DCDC2: variants seen among roughly 807,000 people sequenced by gnomAD.
DCDC2 encodes the protein doublecortin domain-containing protein 2.
A neutral mutation model predicts 50.2 loss-of-function variants in DCDC2; 40 were observed. The ratio of observed to expected loss-of-function variants is 0.80; its 90% CI spans 0.62 to 1.04. DCDC2 has a LOEUF of 1.04. Among genes scored for constraint, DCDC2 ranks in the 50% least tolerant of loss-of-function variants. The probability of loss-of-function intolerance (pLI) is 0.00; values close to 1 mark genes in which losing one functional copy is unlikely to be tolerated. For synonymous variants in DCDC2, 234 were observed against 210.6 expected (o/e 1.11, Z -0.96); for missense variants, 570 against 581.9 (o/e 0.98, Z 0.21).
chr6:24,231,166 C>T (rs1484764398), intron 7 of DCDC2, among the ~76,000 whole-genome samples: 3 of 152,196 alleles, frequency 2.0e-5, no homozygotes, highest in Non-Finnish European at 4.4e-5. Context: ...CCCACATTCC[C>T]TTCTCAGCAT....
intron 1 of DCDC2, 183 bp downstream of exon 1, chr6:24,357,275 T>C (rs1366025295): frequency 3.4e-6 from 2 of 590,120 alleles, no homozygotes; most frequent in Non-Finnish European, 5.6e-6. Context: ...AAATTCCTTC[T>C]CCAGTCACAG....
intron 2 of DCDC2, among the ~76,000 whole-genome samples, chr6:24,334,328 G>A (rs1419648053): frequency 2.0e-5 from 3 of 152,174 alleles, no homozygotes; most frequent in Non-Finnish European, 2.9e-5. Context: ...GCTAGTTGAC[G>A]AAAACCAGGA....
chr6:24,293,488 T>A (rs761275329), intron 4 of DCDC2, among the ~76,000 whole-genome samples: 2 of 152,174 alleles, frequency 1.3e-5, no homozygotes, highest in African/African-American at 2.4e-5. Context: ...GAATTTCACC[T>A]ATCCTAAATA....
chr6:24,316,434 A>G (rs1355228950), intron 2 of DCDC2, among the ~76,000 whole-genome samples: 3 of 152,138 alleles, frequency 2.0e-5, no homozygotes, highest in African/African-American at 7.2e-5. Flanking sequence ...AGAAGCTAAG[A>G]GAGAAGGATC....
Position 24,249,073 on chromosome 6 carries a change from T to C in DCDC2, c.922+28976A>G, listed in dbSNP as rs556272620. ...CCAAGGTTCCTTCTACTTTGATTTCTGTTATTCTTATTTAATATATTAAAA... is the reference window on the plus strand; with the variant it reads ...CCAAGGTTCCTTCTACTTTGATTTCCGTTATTCTTATTTAATATATTAAAA... On this transcript the variant is annotated intron_variant, in intron 7 of 9. Transcript: ENST00000378454. Among the ~76,000 whole-genome samples, 105 of 152,328 alleles carry C rather than the reference T, an allele frequency of 6.9e-4. 1 individual carries two copies. The highest frequency in any genetic ancestry group is 2.5e-3 in the African/African-American group (102 of 41,582).
In DCDC2 at chr6:24,171,829, T is replaced by C. The variant is rs1760785905; in HGVS notation, c.*2901A>G. On this transcript the variant is annotated 3_prime_UTR_variant, in exon 10 of 10. Transcript: ENST00000378454. ...CCAATTTTACTAACAAACCATTTGT[T>C]TACAAGTGTCTTAAAATCCAGATAA... The C allele has an allele frequency of 6.6e-6, 1 of 152,222 alleles. No individual in the cohort carries two copies. Among genetic ancestry groups the C allele is most frequent in the Non-Finnish European group, 1.5e-5 (1 of 68,036 alleles). 9.4% of individuals were successfully genotyped at this position (152,222 alleles called of 1,614,324 possible).
rs1326404269 is a variant in DCDC2 at position 24,233,884 on chromosome 6, G to A, written c.923-28782C>T. Reference sequence around the variant, plus strand: ...AAATGTGATGATTATGTGCATTTAAGTAAGTTCATTCAATGATTATTTTAC... The same window carrying A: ...AAATGTGATGATTATGTGCATTTAAATAAGTTCATTCAATGATTATTTTAC... On this transcript the variant is annotated intron_variant, in intron 7 of 9. Transcript: ENST00000378454. 4.6e-5 allele frequency among the ~76,000 whole-genome samples: 7 copies of A among 152,290 alleles called. No individual in the cohort carries two copies. In the East Asian group the frequency reaches 1.4e-3, roughly 29 times the overall value.
chr6:24,248,565 C>G (rs1486291319), intron 7 of DCDC2, among the ~76,000 whole-genome samples: 6 of 152,046 alleles, frequency 3.9e-5, no homozygotes, highest in African/African-American at 1.4e-4. Context: ...TCCTGAAGAC[C>G]AGTTTTGCTG....
chr6:24,178,697 C>A, intron 8 of DCDC2, 65 bp from the exon 9 acceptor site: 1 of 1,426,952 alleles, frequency 7.0e-7, no homozygotes, highest in South Asian at 1.3e-5. Flanking sequence ...CACTGCACAT[C>A]ATAGTAATGT....
chr6:24,292,675 C>G (rs1763776786), intron 4 of DCDC2, among the ~76,000 whole-genome samples: 2 of 152,304 alleles, frequency 1.3e-5, no homozygotes, highest in South Asian at 4.1e-4. Flanking sequence ...CAAGACCAGC[C>G]TGGGCAACAT....
intron 2 of DCDC2, among the ~76,000 whole-genome samples, chr6:24,336,731 T>G (rs758525735): frequency 6.6e-6 from 1 of 152,154 alleles, no homozygotes; most frequent in Non-Finnish European, 1.5e-5. Flanking sequence ...TTTTTTTATT[T>G]TTTTTTCCAA....
At chr6:24,340,817 C>T (rs149546668) in intron 2 of DCDC2, among the ~76,000 whole-genome samples, 29 of 152,286 alleles carry the variant, frequency 1.9e-4, no homozygotes, top group Admixed American at 1.0e-3. Flanking sequence ...CCTCCACCTC[C>T]CCGGCTCAAG....
chr6:24,289,850 C>CA (rs1321384892), intron 5 of DCDC2, among the ~76,000 whole-genome samples: 2 of 151,406 alleles, frequency 1.3e-5, no homozygotes, highest in South Asian at 2.1e-4. Context: ...GGACGACAAC[C>CA]AAAAAAAATT....
intron 7 of DCDC2, among the ~76,000 whole-genome samples, chr6:24,219,453 A>T (rs1762051789): frequency 6.6e-6 from 1 of 152,254 alleles, no homozygotes; most frequent in Non-Finnish European, 1.5e-5. Flanking sequence ...ACTCTAATAC[A>T]GCAGCCTGAC....
At chr6:24,318,930 T>C (rs1344229865) in intron 2 of DCDC2, among the ~76,000 whole-genome samples, 1 of 152,120 alleles carries the variant, frequency 6.6e-6, no homozygotes, top group Non-Finnish European at 1.5e-5. Context: ...AATGATTTCT[T>C]TCCTCTGGGT....
In DCDC2 at chr6:24,345,476, T is replaced by C. The variant is rs76252446; in HGVS notation, c.348+8093A>G. On this transcript the variant is annotated intron_variant, in intron 2 of 9. Coordinates refer to ENST00000378454, the MANE Select transcript of DCDC2 (RefSeq NM_016356.5). Reference sequence around the variant, plus strand: ...CAGTTTCACTCTCTTCCTTTCTCTCTTCCTCTCCTGGTACTTCTAAAATTC... The same window carrying C: ...CAGTTTCACTCTCTTCCTTTCTCTCCTCCTCTCCTGGTACTTCTAAAATTC... 4.6e-5 allele frequency among the ~76,000 whole-genome samples: 7 copies of C among 152,318 alleles called. No individual in the cohort carries two copies. In the East Asian group the frequency reaches 1.4e-3, roughly 29 times the overall value.
Position 24,193,974 on chromosome 6 carries a change from TAAAAG to T in DCDC2, c.1023+11023_1023+11027del, listed in dbSNP as rs552532606. Among the ~76,000 whole-genome samples, 6 of 152,132 alleles carry T rather than the reference TAAAAG, an allele frequency of 3.9e-5. No homozygotes were observed. The South Asian group carries it at 1.2e-3, about 32-fold the overall frequency. ...CTCCATTCTTTTATGTCATCTAAAA[TAAAAG>T]AATTTTTTAAATTAAAGTTTAATTA... is the stretch of plus-strand genomic sequence containing the variant. On this transcript the variant is annotated intron_variant, in intron 8 of 9. Transcript: ENST00000378454.
chr6:24,239,604 G>T (rs1269140905), intron 7 of DCDC2, among the ~76,000 whole-genome samples: 2 of 152,156 alleles, frequency 1.3e-5, no homozygotes, highest in Non-Finnish European at 2.9e-5. Flanking sequence ...GGATCAGTCA[G>T]AATCCTTTCC....
chr6:24,328,078 T>G (rs2127237185), intron 2 of DCDC2, among the ~76,000 whole-genome samples: 1 of 152,348 alleles, frequency 6.6e-6, no homozygotes, highest in Admixed American at 6.5e-5. Context: ...AAGAAGAGTT[T>G]CTGTGTCCGA....
Sources: allele counts gnomAD v4.1 joint callset (sites outside exome capture counted in the v4.1 genomes callset), GRCh38; gene constraint gnomAD v4.1.1; transcripts MANE v1.5; gene names NCBI Gene and HGNC (gene_info 2026-07-23, HGNC 2026-07-21).